RIT2: variants seen among roughly 807,000 people sequenced by gnomAD.
The protein encoded by RIT2 is Ras like without CAAX 2, also known as GTP-binding protein Rit2.
A neutral mutation model predicts 23.7 loss-of-function variants in RIT2; 24 were observed. The observed-to-expected ratio is 1.01, with a 90% confidence interval of 0.73 to 1.43. The LOEUF is 1.43. RIT2 is among the 40% of genes most tolerant of loss of function. The pLI, the probability that RIT2 is intolerant of heterozygous loss-of-function variation, is 0.00. For synonymous variants in RIT2, 107 were observed against 91.1 expected (o/e 1.17, Z -0.99); for missense variants, 236 against 266.9 (o/e 0.88, Z 0.81).
At chr18:42,929,059 T>TATATATATATATATATATATATATATATA (rs1307173363) in intron 3 of RIT2, among the ~76,000 whole-genome samples, 1 of 50,226 alleles carries the variant, frequency 2.0e-5, no homozygotes. Flanking sequence ...ATATATATAT[T>TATATATATATATATATATATATATATATA]TATATGAGAC....
chr18:42,802,205 T>C (rs1905558157), intron 4 of RIT2, among the ~76,000 whole-genome samples: 1 of 152,168 alleles, frequency 6.6e-6, no homozygotes. Context: ...TTAAGTCTTC[T>C]ACTTGGGTGC....
chr18:43,085,737 C>T (rs534719430), intron 1 of RIT2, among the ~76,000 whole-genome samples: 1 of 151,468 alleles, frequency 6.6e-6, no homozygotes, highest in South Asian at 2.1e-4. Context: ...GTGGTTTGGC[C>T]GTGTCCCCAC....
chr18:42,857,288 A>G (rs1358377584), intron 4 of RIT2, among the ~76,000 whole-genome samples: 2 of 152,156 alleles, frequency 1.3e-5, no homozygotes, highest in African/African-American at 4.8e-5. Context: ...CTGAACTAAA[A>G]CTTCTCTAAG....
At chr18:42,753,067 G>A (rs554681520) in intron 4 of RIT2, among the ~76,000 whole-genome samples, 132 of 152,242 alleles carry the variant, frequency 8.7e-4, no homozygotes, top group Non-Finnish European at 1.4e-3. Context: ...GCCAGAGGAG[G>A]CATTAGAACA....
intron 1 of RIT2, among the ~76,000 whole-genome samples, chr18:43,093,378 T>C (rs913737826): frequency 3.3e-5 from 5 of 152,084 alleles, no homozygotes; most frequent in African/African-American, 9.7e-5. Context: ...GGAAATGTGC[T>C]TTCCTGATTT....
At chr18:42,771,197 T>C (rs551304355) in intron 4 of RIT2, among the ~76,000 whole-genome samples, 2 of 152,320 alleles carry the variant, frequency 1.3e-5, no homozygotes, top group Admixed American at 6.5e-5. Context: ...TAGCTAGACA[T>C]GTCTTTCCTT....
intron 4 of RIT2, among the ~76,000 whole-genome samples, chr18:42,784,465 G>A (rs573466709): frequency 5.9e-5 from 9 of 152,072 alleles, no homozygotes; most frequent in African/African-American, 1.9e-4. Flanking sequence ...GGGAGCAATA[G>A]CAATGTTCAG....
At chr18:42,861,719 ATCT>A (rs1167800313) in intron 4 of RIT2, among the ~76,000 whole-genome samples, 2 of 152,146 alleles carry the variant, frequency 1.3e-5, no homozygotes, top group African/African-American at 4.8e-5. Flanking sequence ...CTGCAGAGCA[ATCT>A]TCTTCTAGAG....
At chr18:42,926,770 T>C (rs1909189819) in intron 3 of RIT2, among the ~76,000 whole-genome samples, 1 of 151,998 alleles carries the variant, frequency 6.6e-6, no homozygotes, top group Non-Finnish European at 1.5e-5. Flanking sequence ...AGTTCCAGCA[T>C]ACATACTTTA....
intron 1 of RIT2, among the ~76,000 whole-genome samples, chr18:43,048,965 C>A (rs561924092): frequency 6.6e-6 from 1 of 152,142 alleles, no homozygotes; most frequent in Admixed American, 6.6e-5. Context: ...ATTGTTTCAA[C>A]CACATGTTAG....
At chr18:42,915,267 G>A (rs1908877717) in intron 4 of RIT2, among the ~76,000 whole-genome samples, 1 of 151,862 alleles carries the variant, frequency 6.6e-6, no homozygotes, top group Non-Finnish European at 1.5e-5. Context: ...GGTTTGGGCA[G>A]GCAAGGATAC....
intron 2 of RIT2, among the ~76,000 whole-genome samples, chr18:43,011,085 G>A (rs578081981): frequency 8.6e-5 from 13 of 151,910 alleles, no homozygotes; most frequent in Middle Eastern, 3.4e-3. Context: ...TGTCTCCAAA[G>A]AGAAAACATT....
At chr18:42,953,967 G>T (rs2144176933) in intron 3 of RIT2, among the ~76,000 whole-genome samples, 1 of 152,226 alleles carries the variant, frequency 6.6e-6, no homozygotes, top group South Asian at 2.1e-4. Flanking sequence ...TTGCTGAAGA[G>T]GATATCTCTG....
At chr18:42,822,174 T>C (rs907072319) in intron 4 of RIT2, among the ~76,000 whole-genome samples, 3 of 152,156 alleles carry the variant, frequency 2.0e-5, no homozygotes, top group African/African-American at 7.2e-5. Flanking sequence ...ATTTTTACTT[T>C]AGTATTGCAT....
At chr18:42,947,861 A>G (rs1003794731) in intron 3 of RIT2, among the ~76,000 whole-genome samples, 3 of 152,112 alleles carry the variant, frequency 2.0e-5, no homozygotes, top group Admixed American at 6.6e-5. Flanking sequence ...AATAAAATGT[A>G]TATGTTTCTT....
At chr18:42,764,739 G>A (rs941092524) in intron 4 of RIT2, among the ~76,000 whole-genome samples, 1 of 152,190 alleles carries the variant, frequency 6.6e-6, no homozygotes, top group African/African-American at 2.4e-5. Context: ...GATTCACAAA[G>A]TCACAGCATC....
At chr18:43,002,198 G>C (rs1288822189) in intron 2 of RIT2, among the ~76,000 whole-genome samples, 1 of 151,962 alleles carries the variant, frequency 6.6e-6, no homozygotes, top group Non-Finnish European at 1.5e-5. Context: ...AGAAGTTGGA[G>C]TTCAATGTTT....
intron 1 of RIT2, among the ~76,000 whole-genome samples, chr18:43,086,109 T>A (rs142475650): frequency 6.6e-6 from 1 of 152,320 alleles, no homozygotes; most frequent in East Asian, 1.9e-4. Context: ...GATTTCAGAT[T>A]TGTTCAGATT....
At chr18:42,995,485 G>T (rs1910959184) in intron 2 of RIT2, among the ~76,000 whole-genome samples, 1 of 152,080 alleles carries the variant, frequency 6.6e-6, no homozygotes, top group Non-Finnish European at 1.5e-5. Flanking sequence ...TCCTTGGTTT[G>T]GCCTTCCCAC....
Sources: allele counts gnomAD v4.1 joint callset (sites outside exome capture counted in the v4.1 genomes callset), GRCh38; gene constraint gnomAD v4.1.1; transcripts MANE v1.5; gene names NCBI Gene and HGNC (gene_info 2026-07-23, HGNC 2026-07-21).